The following CAMSAP1 variants were observed in gnomAD, a reference collection of about 807,000 sequenced individuals.
The protein encoded by CAMSAP1 is calmodulin-regulated spectrin-associated protein 1.
In CAMSAP1, 58 loss-of-function variants were observed where a neutral mutation model predicts 143.5. The ratio of observed to expected loss-of-function variants is 0.40; its 90% CI spans 0.33 to 0.50. The LOEUF is 0.50. Ranked by LOEUF, CAMSAP1 falls within the 20% of genes least tolerant of loss-of-function variation. CAMSAP1 has a pLI of 0.45. For synonymous variants in CAMSAP1, 945 were observed against 859.3 expected (o/e 1.10, Z -1.74); for missense variants, 1,969 against 2,115.7 (o/e 0.93, Z 1.36).
intron 16 of CAMSAP1, among the ~76,000 whole-genome samples, chr9:135,813,267 T>C (rs1465601710): frequency 6.6e-6 from 1 of 152,214 alleles, no homozygotes; most frequent in Non-Finnish European, 1.5e-5. Context: ...GTGGTTGTAA[T>C]GGACGGAGGG....
intron 1 of CAMSAP1, 72 bp downstream of exon 1, chr9:135,906,928 C>T: frequency 3.4e-6 from 3 of 873,712 alleles, no homozygotes; most frequent in South Asian, 5.1e-5. Flanking sequence ...CCGACCCGGC[C>T]GGACCCCGGC....
Position 135,818,785 on chromosome 9 carries a change from A to G in CAMSAP1, c.3960-169T>C, listed in dbSNP as rs537169015. ...AGAGGCTGCAAAGGCAGTCCTGCAG[A>G]TGACCCACCGAGGCCACACAGCCTC... On this transcript the variant is annotated intron_variant, in intron 12 of 16. Transcript: ENST00000389532. This position sits in a 1 kb window ranked among gnomAD's most constrained non-coding sequence, Gnocchi z 7.7. 1.0e-5 allele frequency: 11 copies of G among 1,060,278 alleles called. No individual in the cohort carries two copies. The highest frequency in any genetic ancestry group is 2.6e-5 in the East Asian group (1 of 38,334). 65.7% of individuals were successfully genotyped at this position (1,060,278 alleles called of 1,614,324 possible). A position where few individuals can be genotyped will look rare whatever the true frequency, so the allele number is the denominator to read the frequency against.
rs1838228013 is a variant in CAMSAP1, at chr9:135,889,616, G to C, written c.161-6538C>G. Among the ~76,000 whole-genome samples the C allele has an allele frequency of 2.6e-5, 4 of 152,356 alleles. No homozygotes were observed. The South Asian group carries it at 8.3e-4, about 32-fold the overall frequency. On this transcript the variant is annotated intron_variant, in intron 1 of 16. Coordinates refer to ENST00000389532, the MANE Select transcript of CAMSAP1 (RefSeq NM_015447.4). ...GAGGAGAGGCTGGAGGGGCTGCAGA[G>C]CCTGCCTGCTAGCAGCTGCCCTGGG...
intron 4 of CAMSAP1, 32 bp downstream of exon 4, chr9:135,866,423 GT>G: frequency 9.8e-7 from 1 of 1,024,124 alleles, no homozygotes; most frequent in Non-Finnish European, 1.5e-6. Context: ...CATTAACTTA[GT>G]GCATTCCAGA....
At chr9:135,848,229 G>GA (rs1375723736) in intron 7 of CAMSAP1, among the ~76,000 whole-genome samples, 1 of 151,964 alleles carries the variant, frequency 6.6e-6, no homozygotes. Context: ...GTCCAGGGAT[G>GA]AAAAATTAGT....
rs748406914 is a variant in CAMSAP1 at position 135,817,997 on chromosome 9, G to A, written c.4251C>T (p.Ser1417=). 16 of 1,613,876 alleles carry A rather than the reference G, an allele frequency of 9.9e-6. No individual in the cohort carries two copies. The highest frequency in any genetic ancestry group is 1.7e-4 in the Middle Eastern group (1 of 6,060). The change falls in exon 14 of 17, where the codon TCC becomes TCT. Residue 1417 remains serine, a synonymous_variant. Transcript: ENST00000389532. ...CTTACCGCTGAGAGGGTGTGCCCCC[G>A]GAATGAACGCTCTCGGGTTCTGTCG... ...AATTEPESVH[S]GGTPSQRVES...
Position 135,819,149 on chromosome 9 carries a change from G to C in CAMSAP1, c.3823-3C>G, listed in dbSNP as rs201796160. On this transcript the variant is annotated splice_polypyrimidine_tract_variant and splice_region_variant and intron_variant, in intron 11 of 16. Coordinates refer to ENST00000389532, the MANE Select transcript of CAMSAP1 (RefSeq NM_015447.4). ...TCATCTTCCGCTTTCTGTTCATCCT[G>C]CAAGACAGAGGCCACACAGAGCATG... is the stretch of plus-strand genomic sequence containing the variant. 1 of 1,599,922 alleles carries C rather than the reference G, an allele frequency of 6.3e-7. No homozygotes were observed. The highest frequency in any genetic ancestry group is 8.5e-7 in the Non-Finnish European group (1 of 1,174,922).
At position 135,850,385 on chromosome 9, in the gene CAMSAP1, T is replaced by C. The variant is rs1836732046; in HGVS notation, c.885A>G (p.Glu295=). Residue 295 remains glutamate (E), a synonymous_variant, in exon 6 of 17, where the codon GAA becomes GAG. Coordinates refer to ENST00000389532, the MANE Select transcript of CAMSAP1 (RefSeq NM_015447.4). ...NIRLLREFSN[E]YLNKCFYLTL... is the part of the protein sequence containing the mutation. ...TGAGATAAAAACATTTATTAAGATATTCATTGGAGAATTCTCTCAGAAGCC... is the reference window on the plus strand; with the variant it reads ...TGAGATAAAAACATTTATTAAGATACTCATTGGAGAATTCTCTCAGAAGCC... 6.2e-7 allele frequency: 1 copy of C among 1,612,024 alleles called. No homozygotes were observed. Among genetic ancestry groups the C allele is most frequent in the Non-Finnish European group, 8.5e-7 (1 of 1,179,344 alleles).
In CAMSAP1 at chr9:135,877,496, TAAA is replaced by T. The variant is rs59498050; in HGVS notation, c.585+4134_585+4136del. On this transcript the variant is annotated intron_variant, in intron 3 of 16. Transcript: ENST00000389532. ...AAAATACATCTCAGTAGAGCTGTCT[TAAA>T]AAAAAAAAAAAAAAGAAAAAAACAG... Among the ~76,000 whole-genome samples, 943 of 128,796 alleles carry T rather than the reference TAAA, an allele frequency of 7.3e-3. 7 individuals are homozygous for T. Among genetic ancestry groups the T allele is most frequent in the African/African-American group, 0.024 (860 of 35,244 alleles). 84.5% of individuals were successfully genotyped at this position (128,796 alleles called of 152,430 possible). A position where few individuals can be genotyped will look rare whatever the true frequency, so the allele number is the denominator to read the frequency against.
In CAMSAP1 at chr9:135,907,210, G is replaced by C; in HGVS notation, c.-51C>G. Reference sequence around the variant, plus strand: ...GCCCGGCCGCAACAAAGGCGCCGCCGCCCCTCGCCGCGCCGGGCCCGGTGC... The same window carrying C: ...GCCCGGCCGCAACAAAGGCGCCGCCCCCCCTCGCCGCGCCGGGCCCGGTGC... On this transcript the variant is annotated 5_prime_UTR_variant, in exon 1 of 17. Transcript: ENST00000389532. The C allele has an allele frequency of 9.8e-7, 1 of 1,023,582 alleles. No individual in the cohort carries two copies. The highest frequency in any genetic ancestry group is 1.7e-5 in the African/African-American group (1 of 57,474). 63.4% of individuals were successfully genotyped at this position (1,023,582 alleles called of 1,614,324 possible). A position where few individuals can be genotyped will look rare whatever the true frequency, so the allele number is the denominator to read the frequency against.
intron 10 of CAMSAP1, 84 bp from the exon 11 acceptor site, chr9:135,823,344 C>T: frequency 6.9e-7 from 1 of 1,445,586 alleles, no homozygotes; most frequent in African/African-American, 1.4e-5. Flanking sequence ...GAATGCCGGC[C>T]ACACAAAGAG....
At chr9:135,905,587 C>T (rs938704912) in intron 1 of CAMSAP1, among the ~76,000 whole-genome samples, 2 of 151,992 alleles carry the variant, frequency 1.3e-5, no homozygotes, top group Non-Finnish European at 2.9e-5. Context: ...TCCACAGCAG[C>T]GGAAATGTGG....
rs930142835 is a variant in CAMSAP1 at position 135,810,183 on chromosome 9, CA to C, written c.*1125del. 1 of 152,428 alleles carries C rather than the reference CA, an allele frequency of 6.6e-6. No individual in the cohort carries two copies. Among genetic ancestry groups the C allele is most frequent in the African/African-American group, 2.4e-5 (1 of 41,460 alleles). 9.4% of individuals were successfully genotyped at this position (152,428 alleles called of 1,614,324 possible). On this transcript the variant is annotated 3_prime_UTR_variant, in exon 17 of 17. Transcript: ENST00000389532. The stretch of plus-strand genomic sequence containing the variant: ...CATTGGGACCAAGGCAGAAAGAACC[CA>C]AAGCCATCCACTTACTTGGAGTTCT...
intron 3 of CAMSAP1, among the ~76,000 whole-genome samples, chr9:135,879,214 T>A (rs1837851304): frequency 6.6e-6 from 1 of 152,132 alleles, no homozygotes; most frequent in Admixed American, 6.5e-5. Flanking sequence ...TGTATTTCTT[T>A]AAAATACAGA....
chr9:135,819,337 G>A (rs368643318), intron 11 of CAMSAP1, among the ~76,000 whole-genome samples, 191 bp from the exon 12 acceptor site: 2 of 152,168 alleles, frequency 1.3e-5, no homozygotes, highest in South Asian at 2.1e-4. Context: ...AAAGGCGCTC[G>A]GCATCACCCA....
At chr9:135,871,974 C>T (rs1055529397) in intron 3 of CAMSAP1, among the ~76,000 whole-genome samples, 10 of 151,838 alleles carry the variant, frequency 6.6e-5, no homozygotes, top group Admixed American at 2.6e-4. Context: ...TAGTGGCAGG[C>T]GCCTGTAATC....
chr9:135,837,266 T>TA (rs1468702898), intron 7 of CAMSAP1, among the ~76,000 whole-genome samples: 4 of 128,640 alleles, frequency 3.1e-5, no homozygotes, highest in Non-Finnish European at 5.0e-5. Context: ...CTTCTACAGA[T>TA]ACACATCATC....
At position 135,821,324 on chromosome 9, in the gene CAMSAP1, T is replaced by C; in HGVS notation, c.3337A>G (p.Arg1113Gly). Residue 1113 changes from arginine (R) to glycine (G), a missense_variant, in exon 11 of 17, where the codon AGG becomes GGG. Coordinates refer to ENST00000389532, the MANE Select transcript of CAMSAP1 (RefSeq NM_015447.4). This position sits in a 1 kb window ranked among gnomAD's most constrained non-coding sequence, Gnocchi z 4.6. ...RPAELKVPKD[R>G]PQGSSRSKTP... ...TTACTTCGGGAGGAGCCCTGTGGCC[T>C]GTCTTTTGGGACCTTCAGCTCCGCC... is the stretch of plus-strand genomic sequence containing the variant. 6.2e-7 allele frequency: 1 copy of C among 1,613,460 alleles called. No homozygotes were observed. The highest frequency in any genetic ancestry group is 8.5e-7 in the Non-Finnish European group (1 of 1,179,870).
intron 1 of CAMSAP1, among the ~76,000 whole-genome samples, chr9:135,905,184 G>A (rs1252192034): frequency 6.6e-6 from 1 of 152,146 alleles, no homozygotes. Flanking sequence ...TTCATCATCC[G>A]ATGAGTCAAC....
Sources: gnomAD v4.1 joint callset for allele counts (sites outside exome capture counted in the v4.1 genomes callset) on GRCh38, gnomAD v4.1.1 for gene constraint, Gnocchi (gnomAD v3.1) non-coding constraint, MANE v1.5 for transcripts, NCBI Gene and HGNC (gene_info 2026-07-23, HGNC 2026-07-21) for gene names.